BRCA1: variants seen among roughly 807,000 people sequenced by gnomAD.
BRCA1 encodes breast cancer type 1 susceptibility protein.
A neutral mutation model predicts 173.7 loss-of-function variants in BRCA1; 140 were observed. The observed-to-expected ratio is 0.81, with a 90% CI of 0.70 to 0.93. The LOEUF (loss-of-function observed/expected upper bound fraction) is 0.93. Among genes scored for constraint, BRCA1 ranks in the 40% least tolerant of loss-of-function variants. BRCA1 has a pLI of 0.00. For synonymous variants in BRCA1, 662 were observed against 756.0 expected (o/e 0.88, Z 2.04); for missense variants, 1,983 against 2,172.5 (o/e 0.91, Z 1.73).
At chr17:43,135,121 A>G (rs2056006110) in intron 1 of BRCA1, among the ~76,000 whole-genome samples, 1 of 152,208 alleles carries the variant, frequency 6.6e-6, no homozygotes, top group Admixed American at 6.5e-5. Context: ...CACAAAGGAG[A>G]GCCTGCTAGT....
chr17:43,106,637 T>C, intron 3 of BRCA1, 104 bp from the exon 4 acceptor site: 1 of 829,266 alleles, frequency 1.2e-6, no homozygotes, highest in African/African-American at 1.7e-5. Context: ...CAACTGCCCT[T>C]AAGAGCCATT....
intron 4 of BRCA1, among the ~76,000 whole-genome samples, chr17:43,105,376 A>G (rs1217631271): frequency 6.6e-6 from 1 of 152,154 alleles, no homozygotes; most frequent in Non-Finnish European, 1.5e-5. Flanking sequence ...AGTAGCTAGG[A>G]CTATGGGCAT....
In BRCA1 at chr17:43,157,976, C is replaced by T. The variant is rs1021556424; in HGVS notation, c.-20+12150G>A. ...TGCCATTGCACTCCAGCCTGGGCAA[C>T]AAGAGCGAAACTCTGTCTCAAAAAA... On this transcript the variant is annotated intron_variant, in intron 1 of 7. Transcript: ENST00000634433. 2.6e-5 allele frequency among the ~76,000 whole-genome samples: 3 copies of T among 116,728 alleles called. 1 individual carries two copies. Among genetic ancestry groups the T allele is most frequent in the Middle Eastern group, 0.012 (2 of 168 alleles). The allele number at this position is 116,728 out of a possible 152,430, so 76.6% of individuals were successfully genotyped here.
In BRCA1 at chr17:43,061,301, C is replaced by T. The variant is rs139650794; in HGVS notation, c.5193+2032G>A. Among the ~76,000 whole-genome samples, 81 of 152,244 alleles carry T rather than the reference C, an allele frequency of 5.3e-4. 1 individual carries two copies. Among genetic ancestry groups the T allele is most frequent in the African/African-American group, 1.9e-3 (80 of 41,546 alleles). The stretch of plus-strand genomic sequence containing the variant: ...AAAGGCTTTCCCTGGCCTCCTTAAA[C>T]GAAAGTAATCAACAACCTTTGACAG... On this transcript the variant is annotated intron_variant, in intron 18 of 22. Coordinates refer to ENST00000357654, the MANE Select transcript of BRCA1 (RefSeq NM_007294.4).
At chr17:43,105,781 C>G (rs893295079) in intron 4 of BRCA1, among the ~76,000 whole-genome samples, 21 of 152,096 alleles carry the variant, frequency 1.4e-4, no homozygotes, top group Admixed American at 1.3e-3. Flanking sequence ...AATTACTACT[C>G]TCATAGAATT....
intron 1 of BRCA1, among the ~76,000 whole-genome samples, chr17:43,169,613 G>A (rs1257729290): frequency 4.6e-5 from 7 of 151,858 alleles, no homozygotes; most frequent in African/African-American, 1.7e-4. Context: ...TCCCCGGGGG[G>A]TTCACAACGC....
At chr17:43,104,721 A>AT (rs1567810894) in intron 5 of BRCA1, 147 bp downstream of exon 5, 4 of 734,190 alleles carry the variant, frequency 5.4e-6, no homozygotes, top group Admixed American at 2.2e-5. Context: ...AGTGGGAGTA[A>AT]TTTTTTAAAA....
At chr17:43,076,071 C>A (rs2052697478) in intron 13 of BRCA1, among the ~76,000 whole-genome samples, 1 of 151,830 alleles carries the variant, frequency 6.6e-6, no homozygotes, top group Non-Finnish European at 1.5e-5. Flanking sequence ...CTAGGTGACA[C>A]AGGGCGACCC....
intron 1 of BRCA1, among the ~76,000 whole-genome samples, chr17:43,147,456 T>C (rs1268605307): frequency 6.6e-6 from 1 of 152,224 alleles, no homozygotes; most frequent in Non-Finnish European, 1.5e-5. Flanking sequence ...CCCAAAGTGC[T>C]GGGATTACAG....
chr17:43,113,866 G>T (rs376618168), intron 3 of BRCA1, among the ~76,000 whole-genome samples: 18 of 152,226 alleles, frequency 1.2e-4, no homozygotes, highest in African/African-American at 4.3e-4. Context: ...CTGAAGTCAG[G>T]AGTTTGAGAG....
At chr17:43,096,255 T>C (rs1487728614) in intron 8 of BRCA1, among the ~76,000 whole-genome samples, 1 of 151,448 alleles carries the variant, frequency 6.6e-6, no homozygotes, top group Non-Finnish European at 1.5e-5. Context: ...CGCGCGCCTG[T>C]AGTCCCAGCT....
chr17:43,099,739 T>C lies in BRCA1; in HGVS notation c.547+36A>G, dbSNP rs776203826. On this transcript the variant is annotated intron_variant, in intron 7 of 22. Coordinates refer to ENST00000357654, the MANE Select transcript of BRCA1 (RefSeq NM_007294.4). ...AACTATAAGATAAGGAATCCAGCAA[T>C]TATTATTAAATACTTAAAAAACCTG... The C allele has an allele frequency of 4.0e-6, 6 of 1,514,122 alleles. No homozygotes were observed. In the South Asian group the frequency reaches 6.8e-5, roughly 17 times the overall value. 93.8% of individuals were successfully genotyped at this position (1,514,122 alleles called of 1,614,324 possible). A position where few individuals can be genotyped will look rare whatever the true frequency, so the allele number is the denominator to read the frequency against.
At chr17:43,050,953 A>T (rs1352891195) in intron 20 of BRCA1, 110 bp downstream of exon 20, 2 of 1,097,048 alleles carry the variant, frequency 1.8e-6, no homozygotes, top group Non-Finnish European at 2.8e-6. Context: ...AATAGCCTCT[A>T]GAACATTTCA....
At chr17:43,064,476 C>A (rs2051965866) in intron 16 of BRCA1, among the ~76,000 whole-genome samples, 1 of 152,172 alleles carries the variant, frequency 6.6e-6, no homozygotes, top group South Asian at 2.1e-4. Context: ...CAGTGCAGAG[C>A]TTTTATATAA....
chr17:43,062,870 T>C (rs1219026779), intron 18 of BRCA1, among the ~76,000 whole-genome samples: 1 of 152,118 alleles, frequency 6.6e-6, no homozygotes, highest in East Asian at 1.9e-4. Context: ...GTGTTAGGAT[T>C]ACAGGCATGA....
chr17:43,131,359 G>A (rs1291245205), intron 1 of BRCA1: 3 of 417,654 alleles, frequency 7.2e-6, no homozygotes, highest in Non-Finnish European at 1.5e-5. Context: ...TCGAAGTAGC[G>A]CTTAGCTCAT....
In BRCA1 at chr17:43,106,194, G is replaced by A. The variant is rs8176129; in HGVS notation, c.212+262C>T. On this transcript the variant is annotated intron_variant, in intron 4 of 22. Coordinates refer to ENST00000357654, the MANE Select transcript of BRCA1 (RefSeq NM_007294.4). ...GATTAACAGACAATGGGGGCACGGC[G>A]ATACAGCCCTACTTTACATAAGTCT... is the stretch of plus-strand genomic sequence containing the variant. Among the ~76,000 whole-genome samples, 12 of 151,852 alleles carry A rather than the reference G, an allele frequency of 7.9e-5. No individual in the cohort carries two copies. The South Asian group carries it at 1.3e-3, about 16-fold the overall frequency.
intron 16 of BRCA1, among the ~76,000 whole-genome samples, chr17:43,066,698 C>T (rs974198965): frequency 1.3e-4 from 19 of 151,806 alleles, no homozygotes; most frequent in African/African-American, 3.9e-4. Context: ...TGCGAGCCAC[C>T]GCGTCCAGCT....
intron 7 of BRCA1, among the ~76,000 whole-genome samples, chr17:43,098,447 C>T (rs1470556745): frequency 6.6e-6 from 1 of 152,062 alleles, no homozygotes; most frequent in Non-Finnish European, 1.5e-5. Context: ...TAACCTCCGC[C>T]TCCCTGGTTC....
Sources: gnomAD v4.1 joint callset for allele counts (sites outside exome capture counted in the v4.1 genomes callset) on GRCh38, gnomAD v4.1.1 for gene constraint, MANE v1.5 for transcripts, NCBI Gene and HGNC (gene_info 2026-07-23, HGNC 2026-07-21) for gene names.